The following BRIP1 variants were observed in gnomAD, a reference collection of about 807,000 sequenced individuals.
BRIP1 encodes the protein Fanconi anemia group J protein.
Under a neutral mutation model 119.7 loss-of-function variants are expected in BRIP1, and 88 were observed. The ratio of observed to expected loss-of-function variants is 0.74; its 90% CI spans 0.62 to 0.88. BRIP1 has a LOEUF of 0.88. Ranked by LOEUF, BRIP1 falls within the 40% of genes least tolerant of loss-of-function variation. BRIP1 has a pLI of 0.00. For synonymous variants in BRIP1, 443 were observed against 496.5 expected, an observed-to-expected ratio of 0.89 and a Z score of 1.43; for missense variants, 1,259 against 1,455.4, an observed-to-expected ratio of 0.87 and a Z score of 2.20.
intron 16 of BRIP1, among the ~76,000 whole-genome samples, chr17:61,716,831 G>GAAATAATATGCTTACAT (rs371307141): frequency 6.7e-6 from 1 of 150,208 alleles, no homozygotes; most frequent in Non-Finnish European, 1.5e-5. Flanking sequence ...TCCACTACTG[G>GAAATAATATGCTTACAT]ATTATTAGCT....
chr17:61,857,294 C>A lies in BRIP1; in HGVS notation c.206-63G>T, dbSNP rs1295294642. 7.1e-7 allele frequency: 1 copy of A among 1,418,096 alleles called. No homozygotes were observed. The highest frequency in any genetic ancestry group is 1.4e-5 in the African/African-American group (1 of 69,512). The allele number at this position is 1,418,096 out of a possible 1,614,324, so 87.8% of individuals were successfully genotyped here. A position where few individuals can be genotyped will look rare whatever the true frequency, so the allele number is the denominator to read the frequency against. ...TTAAATAAACATCAATCATTCTCTA[C>A]AGCCCAGTTCACCCAGGATTGGGAG... is the stretch of plus-strand genomic sequence containing the variant. On this transcript the variant is annotated intron_variant, in intron 3 of 19. Coordinates refer to ENST00000259008, the MANE Select transcript of BRIP1 (RefSeq NM_032043.3). This position sits in a 1 kb window ranked among gnomAD's most constrained non-coding sequence, Gnocchi z 5.1.
intron 7 of BRIP1, 134 bp from the exon 8 acceptor site, chr17:61,801,608 G>T: frequency 1.2e-6 from 1 of 818,538 alleles, no homozygotes; most frequent in Non-Finnish European, 2.0e-6. Context: ...CACCACACCT[G>T]GCTAATTTTT....
At chr17:61,817,185 ACAAT>A (rs1201064444) in intron 6 of BRIP1, among the ~76,000 whole-genome samples, 5 of 152,172 alleles carry the variant, frequency 3.3e-5, no homozygotes, top group Middle Eastern at 3.2e-3. Flanking sequence ...TTAAATCCAA[ACAAT>A]CAAGACATGA....
At position 61,809,049 on chromosome 17, in the gene BRIP1, T is replaced by C. The variant is rs777582006; in HGVS notation, c.628-292A>G. ...TTTTGAGTACATTTTAACTCTCCTC[T>C]TTCATAAATTATAAAAATGATAAAA... is the stretch of plus-strand genomic sequence containing the variant. On this transcript the variant is annotated intron_variant, in intron 6 of 19. Transcript: ENST00000259008. This position sits in a 1 kb window ranked among gnomAD's most constrained non-coding sequence, Gnocchi z 5.2. Among the ~76,000 whole-genome samples, 23 of 152,188 alleles carry C rather than the reference T, an allele frequency of 1.5e-4. No homozygotes were observed. The highest frequency in any genetic ancestry group is 2.8e-4 in the Non-Finnish European group (19 of 68,020).
intron 11 of BRIP1, among the ~76,000 whole-genome samples, chr17:61,782,113 C>T (rs1024951313): frequency 2.6e-5 from 4 of 151,748 alleles, no homozygotes; most frequent in Admixed American, 6.6e-5. Context: ...AGACCGGGTG[C>T]GATGGCTCAC....
chr17:61,696,834 A>G (rs964072496), intron 17 of BRIP1, among the ~76,000 whole-genome samples: 4 of 151,042 alleles, frequency 2.6e-5, no homozygotes, highest in Non-Finnish European at 4.4e-5. Context: ...ATATACAAAA[A>G]ATTAGCCGGG....
intron 16 of BRIP1, among the ~76,000 whole-genome samples, chr17:61,737,750 C>T (rs904491297): frequency 3.3e-5 from 5 of 152,110 alleles, no homozygotes; most frequent in Admixed American, 1.3e-4. Flanking sequence ...AAACTGCATG[C>T]GTATACTCTT....
chr17:61,783,108 A>G (rs1342308706), intron 11 of BRIP1, among the ~76,000 whole-genome samples: 1 of 152,204 alleles, frequency 6.6e-6, no homozygotes, highest in Non-Finnish European at 1.5e-5. Flanking sequence ...CGTTCATAGT[A>G]GCATTGTTTA....
At position 61,825,080 on chromosome 17, in the gene BRIP1, T is replaced by G. The variant is rs1345363149; in HGVS notation, c.628-16323A>C. ...GCAGGCGGATCGCAAGGTCAGGAGATCGAGACCATCCTAGCTAACATGGTG... is the reference window on the plus strand; with the variant it reads ...GCAGGCGGATCGCAAGGTCAGGAGAGCGAGACCATCCTAGCTAACATGGTG... On this transcript the variant is annotated intron_variant, in intron 6 of 19. Coordinates refer to ENST00000259008, the MANE Select transcript of BRIP1 (RefSeq NM_032043.3). The surrounding 1 kb of genome is among the most constrained non-coding windows in gnomAD (Gnocchi z 4.1). 6.6e-6 allele frequency among the ~76,000 whole-genome samples: 1 copy of G among 151,826 alleles called. No homozygotes were observed. Among genetic ancestry groups the G allele is most frequent in the Non-Finnish European group, 1.5e-5 (1 of 67,958 alleles).
chr17:61,837,263 T>C (rs1483736371), intron 6 of BRIP1, among the ~76,000 whole-genome samples: 1 of 152,076 alleles, frequency 6.6e-6, no homozygotes, highest in Non-Finnish European at 1.5e-5. Flanking sequence ...TAAATAGCTA[T>C]TTTAAATAAA....
rs2076952325 is a variant in BRIP1 at position 61,738,873 on chromosome 17, T to C, written c.2379+4140A>G. Among the ~76,000 whole-genome samples the C allele has an allele frequency of 6.6e-6, 1 of 152,218 alleles. No individual in the cohort carries two copies. Among genetic ancestry groups the C allele is most frequent in the African/African-American group, 2.4e-5 (1 of 41,466 alleles). Reference sequence around the variant, plus strand: ...GATAACTACTCTGAATATCATTCCCTTCTCTTCTCCTCATATGTAATCAGA... The same window carrying C: ...GATAACTACTCTGAATATCATTCCCCTCTCTTCTCCTCATATGTAATCAGA... On this transcript the variant is annotated intron_variant, in intron 16 of 19. Transcript: ENST00000259008. The surrounding 1 kb of genome is among the most constrained non-coding windows in gnomAD (Gnocchi z 4.2).
In BRIP1 at chr17:61,804,601, C is replaced by A. The variant is rs926806641; in HGVS notation, c.919-3127G>T. ...GACAGGTTTTGCCATGTTGGCCAGG[C>A]CAGTCTTGAACTCCTGACCTCAAGT... is the stretch of plus-strand genomic sequence containing the variant. On this transcript the variant is annotated intron_variant, in intron 7 of 19. Transcript: ENST00000259008. The surrounding 1 kb of genome is among the most constrained non-coding windows in gnomAD (Gnocchi z 4.5). Among the ~76,000 whole-genome samples, 5 of 151,960 alleles carry A rather than the reference C, an allele frequency of 3.3e-5. No individual in the cohort carries two copies. The highest frequency in any genetic ancestry group is 1.2e-4 in the African/African-American group (5 of 41,362).
intron 4 of BRIP1, among the ~76,000 whole-genome samples, chr17:61,855,809 T>C (rs1012875492): frequency 2.0e-5 from 3 of 152,054 alleles, no homozygotes; most frequent in Non-Finnish European, 4.4e-5. Context: ...AAATTGACAA[T>C]ATTCCTAACC....
rs997223722 is a variant in BRIP1 at position 61,681,509 on chromosome 17, G to A, written c.*1787C>T. On this transcript the variant is annotated 3_prime_UTR_variant, in exon 20 of 20. Coordinates refer to ENST00000259008, the MANE Select transcript of BRIP1 (RefSeq NM_032043.3). This position sits in a 1 kb window ranked among gnomAD's most constrained non-coding sequence, Gnocchi z 5.1. ...GCCAGGTGTAGAGCCCAAGTCTCTT[G>A]TCTTCTACCAGGTATTTATTCGTTT... The A allele has an allele frequency of 4.8e-6, 1 of 208,648 alleles. No homozygotes were observed. The highest frequency in any genetic ancestry group is 9.8e-6 in the Non-Finnish European group (1 of 102,468). The allele number at this position is 208,648 out of a possible 1,614,324, so 12.9% of individuals were successfully genotyped here.
At chr17:61,838,531 G>A (rs901689629) in intron 6 of BRIP1, among the ~76,000 whole-genome samples, 4 of 149,044 alleles carry the variant, frequency 2.7e-5, no homozygotes, top group African/African-American at 9.9e-5. Context: ...GCGACAGAGC[G>A]AGACTCCCTC....
chr17:61,830,918 A>C (rs1443170314), intron 6 of BRIP1, among the ~76,000 whole-genome samples: 2 of 152,232 alleles, frequency 1.3e-5, no homozygotes, highest in African/African-American at 4.8e-5. Flanking sequence ...AATGGGTCCT[A>C]TACCATGATC....
intron 6 of BRIP1, among the ~76,000 whole-genome samples, chr17:61,811,061 T>A (rs918963075): frequency 2.6e-5 from 4 of 152,164 alleles, no homozygotes; most frequent in African/African-American, 7.2e-5. Context: ...GGACTTGAAA[T>A]CTGTTTTTTC....
chr17:61,743,205 G>A lies in BRIP1; in HGVS notation c.2258-71C>T, dbSNP rs759883132. The A allele has an allele frequency of 6.6e-7, 1 of 1,520,616 alleles. No homozygotes were observed. The highest frequency in any genetic ancestry group is 9.1e-7 in the Non-Finnish European group (1 of 1,099,880). 94.2% of individuals were successfully genotyped at this position (1,520,616 alleles called of 1,614,324 possible). ...TATTCTTGTCATTTTGAAAATACCT[G>A]ATTTATAATTATAGTAATTACAGTA... On this transcript the variant is annotated intron_variant, in intron 15 of 19. Coordinates refer to ENST00000259008, the MANE Select transcript of BRIP1 (RefSeq NM_032043.3). This position sits in a 1 kb window ranked among gnomAD's most constrained non-coding sequence, Gnocchi z 4.3.
At position 61,860,292 on chromosome 17, in the gene BRIP1, A is replaced by G. The variant is rs1361278925; in HGVS notation, c.94-385T>C. ...TAGAGAAATAAACAATTTCTTATAA[A>G]GTGAAGATGCCCAGCTCCAGCAAGT... On this transcript the variant is annotated intron_variant, in intron 2 of 19. Coordinates refer to ENST00000259008, the MANE Select transcript of BRIP1 (RefSeq NM_032043.3). This position sits in a 1 kb window ranked among gnomAD's most constrained non-coding sequence, Gnocchi z 4.1. 6.6e-6 allele frequency among the ~76,000 whole-genome samples: 1 copy of G among 152,234 alleles called. No homozygotes were observed. Among genetic ancestry groups the G allele is most frequent in the Admixed American group, 6.5e-5 (1 of 15,292 alleles).
Sources: allele counts gnomAD v4.1 joint callset (sites outside exome capture counted in the v4.1 genomes callset), GRCh38; gene constraint gnomAD v4.1.1; non-coding constraint Gnocchi (gnomAD v3.1); transcripts MANE v1.5; gene names NCBI Gene and HGNC (gene_info 2026-07-23, HGNC 2026-07-21).